The following NPAS3 variants were observed in gnomAD, a reference collection of about 807,000 sequenced individuals.
NPAS3 encodes the protein neuronal PAS domain protein 3.
In NPAS3, 14 loss-of-function variants were observed where a neutral mutation model predicts 73.1. The observed-to-expected ratio is 0.19, with a 90% CI of 0.13 to 0.30. NPAS3 has a LOEUF of 0.30. NPAS3 is among the 10% of genes least tolerant of loss of function. NPAS3 has a pLI of 1.00. For missense variants in NPAS3, 1,096 were observed against 1,250.0 expected, an observed-to-expected ratio of 0.88 and a Z score of 1.86; for synonymous variants, 620 against 541.5, an observed-to-expected ratio of 1.14 and a Z score of -2.01.
At chr14:33,726,770 T>G (rs2061279006) in intron 6 of NPAS3, among the ~76,000 whole-genome samples, 1 of 152,162 alleles carries the variant, frequency 6.6e-6, no homozygotes, top group Admixed American at 6.5e-5. Flanking sequence ...AGTAAAACAT[T>G]TGATGTGTGC....
intron 2 of NPAS3, among the ~76,000 whole-genome samples, chr14:33,090,282 C>T (rs1207596346): frequency 8.5e-6 from 1 of 117,268 alleles, no homozygotes; most frequent in Non-Finnish European, 1.7e-5. Context: ...CACATAGGCT[C>T]AAAATAAAGG....
intron 1 of NPAS3, among the ~76,000 whole-genome samples, chr14:33,017,728 T>C (rs1055151654): frequency 6.6e-6 from 1 of 152,166 alleles, no homozygotes; most frequent in African/African-American, 2.4e-5. Flanking sequence ...GTTTTCTCAT[T>C]TATGAAATAT....
chr14:33,478,659 A>G (rs1328639790), intron 4 of NPAS3, among the ~76,000 whole-genome samples: 4 of 152,202 alleles, frequency 2.6e-5, no homozygotes, highest in Admixed American at 2.0e-4. Context: ...GTATGTTTAG[A>G]AAGTTGCGTT....
intron 2 of NPAS3, among the ~76,000 whole-genome samples, chr14:33,191,334 C>G (rs1371500812): frequency 6.6e-6 from 1 of 152,148 alleles, no homozygotes; most frequent in Non-Finnish European, 1.5e-5. Flanking sequence ...TACTTTTGTA[C>G]TCTGTAACCA....
At chr14:33,348,214 T>A (rs1437760461) in intron 3 of NPAS3, among the ~76,000 whole-genome samples, 1 of 152,160 alleles carries the variant, frequency 6.6e-6, no homozygotes, top group Non-Finnish European at 1.5e-5. Flanking sequence ...AAATCATGAT[T>A]GAAATCTCAA....
At chr14:33,232,029 T>C (rs1427982382) in intron 3 of NPAS3, among the ~76,000 whole-genome samples, 1 of 152,200 alleles carries the variant, frequency 6.6e-6, no homozygotes, top group Non-Finnish European at 1.5e-5. Flanking sequence ...AATAATACCA[T>C]GTAGTCTTAT....
intron 6 of NPAS3, among the ~76,000 whole-genome samples, chr14:33,723,234 TAA>T (rs934661303): frequency 4.8e-4 from 73 of 152,246 alleles, no homozygotes; most frequent in African/African-American, 1.7e-3. Flanking sequence ...GCCAATCTTC[TAA>T]ACTCTTCCAT....
At chr14:33,275,410 A>G (rs949137329) in intron 3 of NPAS3, among the ~76,000 whole-genome samples, 2 of 152,206 alleles carry the variant, frequency 1.3e-5, no homozygotes, top group African/African-American at 4.8e-5. Context: ...ATGCTGGGAA[A>G]ATGGGATAGT....
At chr14:33,583,411 TA>T (rs1261960849) in intron 5 of NPAS3, 2 of 152,226 alleles carry the variant, frequency 1.3e-5, no homozygotes, top group African/African-American at 4.8e-5. Context: ...TTGGGGTAAC[TA>T]TAAATCAGTC....
At position 33,446,277 on chromosome 14, in the gene NPAS3, G is replaced by A. The variant is rs192668065; in HGVS notation, c.468+79009G>A. Among the ~76,000 whole-genome samples the A allele has an allele frequency of 3.4e-3, 510 of 147,888 alleles. 1 individual carries two copies. Among genetic ancestry groups the A allele is most frequent in the African/African-American group, 0.011 (436 of 40,182 alleles). Reference sequence around the variant, plus strand: ...TGCAAGCTCCGCTTCCCGGGTTCACGCCATTCTCCTGCCTCAGCCTCCCGA... The same window carrying A: ...TGCAAGCTCCGCTTCCCGGGTTCACACCATTCTCCTGCCTCAGCCTCCCGA... On this transcript the variant is annotated intron_variant, in intron 4 of 11. Transcript: ENST00000356141.
chr14:32,972,175 T>A (rs1442539915), intron 1 of NPAS3, among the ~76,000 whole-genome samples: 3 of 151,788 alleles, frequency 2.0e-5, no homozygotes, highest in Non-Finnish European at 4.4e-5. Flanking sequence ...CCTGACCTCA[T>A]GATCTGCCCA....
At chr14:33,275,992 T>C (rs17100508) in intron 3 of NPAS3, among the ~76,000 whole-genome samples, 5,602 of 152,144 alleles carry the variant, frequency 0.037, 422 homozygotes, top group East Asian at 0.33. Context: ...ACACCAAGGG[T>C]ACCTACATTG....
intron 5 of NPAS3, among the ~76,000 whole-genome samples, chr14:33,625,941 T>C (rs1330903872): frequency 3.9e-5 from 6 of 152,212 alleles, no homozygotes; most frequent in Non-Finnish European, 5.9e-5. Context: ...TGTGGTCTTA[T>C]AGACTTGTTA....
intron 5 of NPAS3, chr14:33,612,591 C>T: frequency 2.3e-6 from 1 of 436,258 alleles, no homozygotes; most frequent in South Asian, 1.7e-5. Context: ...TTTTAAAGAT[C>T]TTTGTATGCC....
intron 3 of NPAS3, among the ~76,000 whole-genome samples, chr14:33,325,639 CAAAA>C (rs1164467989): frequency 6.4e-5 from 4 of 62,044 alleles, no homozygotes; most frequent in Admixed American, 1.8e-4. Context: ...GACTCCGTCT[CAAAA>C]AAAAAAAAAA....
chr14:33,029,556 T>C (rs1199855236), intron 1 of NPAS3, among the ~76,000 whole-genome samples: 2 of 152,160 alleles, frequency 1.3e-5, no homozygotes, highest in Non-Finnish European at 2.9e-5. Flanking sequence ...TATTATTCAT[T>C]ATTTATCACA....
intron 3 of NPAS3, among the ~76,000 whole-genome samples, chr14:33,289,199 T>C (rs192469019): frequency 1.3e-5 from 2 of 152,168 alleles, no homozygotes; most frequent in East Asian, 3.9e-4. Context: ...GAAAGTGGGG[T>C]GCTAAAGGAG....
chr14:33,178,371 C>A (rs974081742), intron 2 of NPAS3, among the ~76,000 whole-genome samples: 1 of 152,096 alleles, frequency 6.6e-6, no homozygotes, highest in Non-Finnish European at 1.5e-5. Flanking sequence ...CCGCACCCGG[C>A]CGAAGTGAAT....
chr14:33,018,036 C>CA (rs34755412), intron 1 of NPAS3, among the ~76,000 whole-genome samples: 13 of 150,348 alleles, frequency 8.6e-5, no homozygotes, highest in Admixed American at 1.3e-4. Flanking sequence ...AAACAGCAAA[C>CA]AAAAAAAAAG....
Sources: allele counts gnomAD v4.1 joint callset (sites outside exome capture counted in the v4.1 genomes callset), GRCh38; gene constraint gnomAD v4.1.1; transcripts MANE v1.5; gene names NCBI Gene and HGNC (gene_info 2026-07-23, HGNC 2026-07-21).